Variants in SMIM14 observed in about 807,000 individuals in gnomAD.
SMIM14 encodes small integral membrane protein 14, also known as chromosome 4 open reading frame 34.
Under a neutral mutation model 12.6 loss-of-function variants are expected in SMIM14, and 5 were observed. That is an observed-to-expected ratio of 0.40 (90% confidence interval 0.21 to 0.83). SMIM14 has a LOEUF of 0.83. SMIM14 is among the 40% of genes least tolerant of loss of function. The pLI is 0.37. For missense variants in SMIM14, 86 were observed against 119.1 expected, an observed-to-expected ratio of 0.72 and a Z score of 1.29; for synonymous variants, 30 against 40.1, an observed-to-expected ratio of 0.75 and a Z score of 0.95.
intron 2 of SMIM14, among the ~76,000 whole-genome samples, chr4:39,574,162 G>A: frequency 6.6e-6 from 1 of 151,706 alleles, no homozygotes; most frequent in East Asian, 1.9e-4. Flanking sequence ...CAACTATGGT[G>A]CAGTAGTGCT....
At chr4:39,561,382 C>A (rs1431058666) in intron 3 of SMIM14, among the ~76,000 whole-genome samples, 1 of 152,096 alleles carries the variant, frequency 6.6e-6, no homozygotes, top group African/African-American at 2.4e-5. Context: ...GCAGGAAGAT[C>A]CCTTGAGCTC....
chr4:39,571,876 C>T (rs184318688), intron 3 of SMIM14, among the ~76,000 whole-genome samples: 2 of 151,674 alleles, frequency 1.3e-5, no homozygotes, highest in East Asian at 3.9e-4. Context: ...GATCACAGCT[C>T]ACTGCAGCCT....
At chr4:39,568,427 T>C (rs1467681342) in intron 3 of SMIM14, among the ~76,000 whole-genome samples, 2 of 152,154 alleles carry the variant, frequency 1.3e-5, no homozygotes, top group Non-Finnish European at 2.9e-5. Flanking sequence ...TTAAACACTG[T>C]TCTAAAACAA....
chr4:39,561,448 C>T (rs1578312624), intron 3 of SMIM14, among the ~76,000 whole-genome samples: 1 of 152,042 alleles, frequency 6.6e-6, no homozygotes, highest in Admixed American at 6.6e-5. Context: ...TGGCCTCATG[C>T]AATCCTCCTG....
chr4:39,603,424 G>T (rs186666019), intron 2 of SMIM14, among the ~76,000 whole-genome samples: 226 of 151,854 alleles, frequency 1.5e-3, no homozygotes, highest in African/African-American at 5.3e-3. Flanking sequence ...CTGGGCATGG[G>T]GGCGGGCACC....
chr4:39,614,551 A>T (rs922548531), intron 1 of SMIM14, among the ~76,000 whole-genome samples: 3 of 151,940 alleles, frequency 2.0e-5, no homozygotes, highest in Admixed American at 6.6e-5. Flanking sequence ...TGAACTCTCA[A>T]CCTCAGGTGA....
intron 2 of SMIM14, chr4:39,589,626 C>T (rs1287222923): frequency 6.6e-6 from 1 of 152,162 alleles, no homozygotes; most frequent in Non-Finnish European, 1.5e-5. Context: ...TGCCAAGTGA[C>T]AGCCAGTGAA....
At chr4:39,632,133 A>G (rs1398477383) in intron 1 of SMIM14, among the ~76,000 whole-genome samples, 1 of 152,106 alleles carries the variant, frequency 6.6e-6, no homozygotes, top group Non-Finnish European at 1.5e-5. Flanking sequence ...TTTAAATACC[A>G]AAAGTTAAAA....
intron 1 of SMIM14, among the ~76,000 whole-genome samples, chr4:39,619,872 ATATATTTT>A (rs1715411038): frequency 4.9e-5 from 4 of 82,250 alleles, no homozygotes; most frequent in African/African-American, 2.1e-4. Context: ...ATATATATAT[ATATATTTT>A]TTTTTTTTTA....
intron 2 of SMIM14, among the ~76,000 whole-genome samples, chr4:39,580,179 T>TTTATTA (rs146491231): frequency 0.15 from 22,937 of 151,380 alleles, 2,134 homozygotes; most frequent in South Asian, 0.3. Context: ...TGTGTGTGGT[T>TTTATTA]TTATTATTAT....
intron 1 of SMIM14, among the ~76,000 whole-genome samples, chr4:39,618,663 AAC>A: frequency 3.3e-5 from 5 of 150,656 alleles, no homozygotes; most frequent in Non-Finnish European, 5.9e-5. Flanking sequence ...AAAAAAAAAA[AAC>A]AAAAAAAAAA....
chr4:39,595,299 C>G (rs1451192576), intron 2 of SMIM14, among the ~76,000 whole-genome samples: 2 of 147,546 alleles, frequency 1.4e-5, no homozygotes, highest in Non-Finnish European at 3.0e-5. Context: ...TAAACTATTG[C>G]AAGAACAAAA....
In SMIM14 at chr4:39,633,243, G is replaced by A. The variant is rs552306460; in HGVS notation, c.-36+5496C>T. On this transcript the variant is annotated intron_variant, in intron 1 of 4. Transcript: ENST00000295958. ...CGGGAGGCAGAGGTTACAGTGAGCC[G>A]AGATCACCCCACTGCACTCCAGTCT... is the stretch of plus-strand genomic sequence containing the variant. 5.9e-5 allele frequency among the ~76,000 whole-genome samples: 9 copies of A among 151,856 alleles called. No individual in the cohort carries two copies. In the South Asian group the frequency reaches 6.2e-4, roughly 11 times the overall value.
intron 1 of SMIM14, among the ~76,000 whole-genome samples, chr4:39,634,577 A>C (rs1014322516): frequency 1.3e-5 from 2 of 152,204 alleles, no homozygotes; most frequent in Admixed American, 6.5e-5. Flanking sequence ...TAGTGTTCCC[A>C]AAAAATGGTA....
intron 2 of SMIM14, among the ~76,000 whole-genome samples, chr4:39,582,567 G>C (rs1578331464): frequency 6.6e-6 from 1 of 151,804 alleles, no homozygotes; most frequent in African/African-American, 2.4e-5. Context: ...GGGAGGCTGA[G>C]GCAGGAGAAT....
chr4:39,597,000 T>C (rs1037741112), intron 2 of SMIM14, among the ~76,000 whole-genome samples: 2 of 151,684 alleles, frequency 1.3e-5, no homozygotes, highest in Non-Finnish European at 2.9e-5. Context: ...GGTCTTGAAC[T>C]CCTAGGTTCA....
chr4:39,562,222 A>T lies in SMIM14; in HGVS notation c.125-5652T>A, dbSNP rs570146750. 3.0e-4 allele frequency among the ~76,000 whole-genome samples: 46 copies of T among 151,868 alleles called. No individual in the cohort carries two copies. The Middle Eastern group carries it at 0.014, about 45-fold the overall frequency. On this transcript the variant is annotated intron_variant, in intron 3 of 4. Transcript: ENST00000295958. ...GACCCCTGTCTCTACAAAAAAAATT[A>T]AAAAATTAGCTGAGTGTGGTGGTGC...
intron 2 of SMIM14, among the ~76,000 whole-genome samples, chr4:39,597,821 G>T (rs995789468): frequency 3.3e-5 from 5 of 151,846 alleles, no homozygotes; most frequent in Non-Finnish European, 2.9e-5. Flanking sequence ...CAACTACTTT[G>T]CCTGTTTTTC....
chr4:39,588,339 T>A (rs1713890897), intron 2 of SMIM14, among the ~76,000 whole-genome samples: 1 of 152,142 alleles, frequency 6.6e-6, no homozygotes, highest in Non-Finnish European at 1.5e-5. Context: ...GCCAGGAGTT[T>A]GAGACCAGCC....
Sources: allele counts gnomAD v4.1 joint callset (sites outside exome capture counted in the v4.1 genomes callset), GRCh38; gene constraint gnomAD v4.1.1; transcripts MANE v1.5; gene names NCBI Gene and HGNC (gene_info 2026-07-23, HGNC 2026-07-21).